Variants in DGKB observed in about 807,000 individuals in gnomAD.
The protein encoded by DGKB is 90 kDa diacylglycerol kinase.
In DGKB, 67 loss-of-function variants were observed where a neutral mutation model predicts 114.3. The observed-to-expected ratio is 0.59, with a 90% CI of 0.48 to 0.72. The LOEUF is 0.72. Among genes scored for constraint, DGKB ranks in the 30% least tolerant of loss-of-function variants. The pLI is 0.00. For missense variants in DGKB, 907 were observed against 975.2 expected, an observed-to-expected ratio of 0.93 and a Z score of 0.93; for synonymous variants, 398 against 323.1, an observed-to-expected ratio of 1.23 and a Z score of -2.49.
intron 4 of DGKB, among the ~76,000 whole-genome samples, chr7:14,753,632 T>C (rs568728189): frequency 3.7e-4 from 56 of 152,330 alleles, no homozygotes; most frequent in Admixed American, 1.2e-3. Flanking sequence ...CAGCCTTATA[T>C]ATCTTCATGA....
chr7:14,416,939 C>A (rs1413602155), intron 21 of DGKB, among the ~76,000 whole-genome samples: 1 of 152,072 alleles, frequency 6.6e-6, no homozygotes. Context: ...TTGTCGTCTG[C>A]TCCCCAGGCA....
chr7:14,835,617 G>A (rs951729775), intron 2 of DGKB, among the ~76,000 whole-genome samples: 3 of 152,058 alleles, frequency 2.0e-5, no homozygotes, highest in African/African-American at 4.8e-5. Flanking sequence ...CATGACAAAC[G>A]GGCAAGAGGG....
chr7:14,602,444 T>G (rs1435352278), intron 17 of DGKB, among the ~76,000 whole-genome samples: 1 of 152,156 alleles, frequency 6.6e-6, no homozygotes, highest in East Asian at 1.9e-4. Flanking sequence ...AATTAATGCT[T>G]AAAATTAGTG....
chr7:14,149,012 T>A lies in DGKB; in HGVS notation c.*119A>T. ...ACATTAGCTTAGTAACAAAAACTGT[T>A]AAACCACTTCCATGATTTTGCATGA... is the stretch of plus-strand genomic sequence containing the variant. On this transcript the variant is annotated 3_prime_UTR_variant, in exon 26 of 26. Transcript: ENST00000402815. The A allele has an allele frequency of 1.1e-6, 1 of 894,872 alleles. No individual in the cohort carries two copies. The highest frequency in any genetic ancestry group is 1.5e-5 in the South Asian group (1 of 68,874). The allele number at this position is 894,872 out of a possible 1,614,324, so 55.4% of individuals were successfully genotyped here. A position where few individuals can be genotyped will look rare whatever the true frequency, so the allele number is the denominator to read the frequency against.
chr7:14,508,314 G>C (rs1308309319), intron 20 of DGKB, among the ~76,000 whole-genome samples: 1 of 152,106 alleles, frequency 6.6e-6, no homozygotes, highest in East Asian at 1.9e-4. Flanking sequence ...TTATAAACTA[G>C]TAAACTTCAT....
chr7:14,593,011 A>T (rs1234975639), intron 17 of DGKB, among the ~76,000 whole-genome samples: 1 of 152,038 alleles, frequency 6.6e-6, no homozygotes, highest in African/African-American at 2.4e-5. Context: ...GCTAAGTGGG[A>T]TAGTTATAAA....
At chr7:14,682,924 C>T (rs936030952) in intron 10 of DGKB, 83 bp from the exon 11 acceptor site, 1 of 930,590 alleles carries the variant, frequency 1.1e-6, no homozygotes, top group Non-Finnish European at 1.7e-6. Context: ...ATTAACAGAA[C>T]CTCATTTCAT....
rs75889173 is a variant in DGKB, at chr7:14,351,194, T to C, written c.1836-5803A>G. On this transcript the variant is annotated intron_variant, in intron 21 of 25. Coordinates refer to ENST00000402815, the MANE Select transcript of DGKB (RefSeq NM_001350709.2). ...AATCAATTCAGTTTTATTCACTTTT[T>C]CATTGCCAAGAAACATTACACTAAA... 3.0e-4 allele frequency among the ~76,000 whole-genome samples: 45 copies of C among 152,358 alleles called. No individual in the cohort carries two copies. In the East Asian group the frequency reaches 8.5e-3, roughly 29 times the overall value.
chr7:14,719,697 T>C (rs1006353350), intron 5 of DGKB, among the ~76,000 whole-genome samples: 13 of 152,294 alleles, frequency 8.5e-5, no homozygotes, highest in African/African-American at 2.6e-4. Context: ...TTTGTAACTT[T>C]CCATGAATAC....
At chr7:14,530,480 T>A (rs1791399067) in intron 20 of DGKB, among the ~76,000 whole-genome samples, 2 of 151,530 alleles carry the variant, frequency 1.3e-5, no homozygotes, top group South Asian at 2.1e-4. Flanking sequence ...GATTTCTTCT[T>A]AACTTATATA....
chr7:14,672,880 T>C (rs767764083), intron 13 of DGKB, 49 bp downstream of exon 13: 4 of 1,127,902 alleles, frequency 3.5e-6, no homozygotes, highest in Non-Finnish European at 5.2e-6. Flanking sequence ...ACGATACTGA[T>C]AAGTCACAGC....
intron 6 of DGKB, among the ~76,000 whole-genome samples, chr7:14,709,612 T>C (rs1311919615): frequency 7.0e-6 from 1 of 142,854 alleles, no homozygotes; most frequent in Admixed American, 7.4e-5. Flanking sequence ...GTGGCACATA[T>C]ACACCATGGA....
chr7:14,885,453 G>A (rs959194938), intron 1 of DGKB, among the ~76,000 whole-genome samples: 1 of 151,886 alleles, frequency 6.6e-6, no homozygotes, highest in East Asian at 1.9e-4. Flanking sequence ...GAATAGAGCT[G>A]CTCCTGGAAA....
chr7:14,922,621 A>G (rs888573604), intron 1 of DGKB, among the ~76,000 whole-genome samples: 3 of 152,108 alleles, frequency 2.0e-5, no homozygotes, highest in African/African-American at 7.2e-5. Flanking sequence ...TCATTTCAGC[A>G]TGGTGTAGCC....
intron 20 of DGKB, among the ~76,000 whole-genome samples, chr7:14,534,473 A>G (rs1410187037): frequency 1.3e-5 from 2 of 152,272 alleles, no homozygotes; most frequent in South Asian, 4.1e-4. Context: ...CTTTAAATGT[A>G]AATGAATTAA....
At chr7:14,413,315 A>G (rs919203397) in intron 21 of DGKB, among the ~76,000 whole-genome samples, 7 of 152,170 alleles carry the variant, frequency 4.6e-5, no homozygotes, top group Non-Finnish European at 8.8e-5. Context: ...CTTGCATAAC[A>G]AAATGGATAG....
chr7:14,851,274 A>C (rs937608682), intron 1 of DGKB, among the ~76,000 whole-genome samples: 1 of 152,210 alleles, frequency 6.6e-6, no homozygotes, highest in African/African-American at 2.4e-5. Context: ...GGTGATGCAA[A>C]AGAGGAAAAT....
intron 9 of DGKB, among the ~76,000 whole-genome samples, chr7:14,689,199 ATTT>A (rs551618345): frequency 0.027 from 2,076 of 76,418 alleles, 85 homozygotes; most frequent in African/African-American, 0.083. Context: ...AACTCCTCTT[ATTT>A]TTTTTTTTTT....
chr7:14,621,326 C>T, intron 15 of DGKB, 52 bp downstream of exon 15: 1 of 1,091,670 alleles, frequency 9.2e-7, no homozygotes, highest in Non-Finnish European at 1.4e-6. Context: ...CCTTTAGAGC[C>T]TAGAAGTATC....
Sources: gnomAD v4.1 joint callset for allele counts (sites outside exome capture counted in the v4.1 genomes callset) on GRCh38, gnomAD v4.1.1 for gene constraint, MANE v1.5 for transcripts, NCBI Gene and HGNC (gene_info 2026-07-23, HGNC 2026-07-21) for gene names.